The following TCEANC2 variants were observed in gnomAD, a reference collection of about 807,000 sequenced individuals.
The protein encoded by TCEANC2 is transcription elongation factor A N-terminal and central domain-containing protein 2.
TCEANC2 carries 20 observed loss-of-function variants against 22.8 expected under a neutral mutation model. The ratio of observed to expected loss-of-function variants is 0.88; its 90% CI spans 0.62 to 1.28. The LOEUF (loss-of-function observed/expected upper bound fraction) is 1.28, where lower values mean the gene tolerates loss of function less well. TCEANC2 is among the 50% of genes most tolerant of loss of function. TCEANC2 has a pLI of 0.00. For missense variants in TCEANC2, 251 were observed against 249.7 expected (o/e 1.01, Z -0.03); for synonymous variants, 84 against 95.5 (o/e 0.88, Z 0.70).
chr1:54,063,925 C>T (rs1657902845), intron 2 of TCEANC2, among the ~76,000 whole-genome samples: 1 of 152,090 alleles, frequency 6.6e-6, no homozygotes, highest in Non-Finnish European at 1.5e-5. Flanking sequence ...GATGTGAAAC[C>T]TGCCAATCCA....
chr1:54,110,643 C>A (rs147125709), downstream of TCEANC2, among the ~76,000 whole-genome samples: 65 of 152,202 alleles, frequency 4.3e-4, 1 homozygote, highest in East Asian at 0.01. Flanking sequence ...AACAACACAA[C>A]CTTCCAATGT....
At chr1:54,110,197 AC>A (rs1425346970), downstream of TCEANC2, among the ~76,000 whole-genome samples, 2 of 152,102 alleles carry the variant, frequency 1.3e-5, no homozygotes, top group African/African-American at 2.4e-5. Flanking sequence ...TGACCCTCTT[AC>A]CCAGTCTTCT....
intron 4 of TCEANC2, among the ~76,000 whole-genome samples, chr1:54,091,310 A>G (rs1047986920): frequency 2.0e-5 from 3 of 152,200 alleles, no homozygotes; most frequent in South Asian, 2.1e-4. Context: ...GAGCAAATCA[A>G]TGAACCATCT....
At chr1:54,080,394 T>C (rs1488599384) in intron 3 of TCEANC2, among the ~76,000 whole-genome samples, 1 of 152,146 alleles carries the variant, frequency 6.6e-6, no homozygotes, top group Non-Finnish European at 1.5e-5. Flanking sequence ...TCTCCCCACC[T>C]CAGCCTCCTA....
In TCEANC2 at chr1:54,096,356, G is replaced by A. The variant is rs1222240634; in HGVS notation, c.510G>A (p.Pro170=). The A allele has an allele frequency of 5.0e-6, 8 of 1,612,454 alleles. No homozygotes were observed. Among genetic ancestry groups the A allele is most frequent in the Admixed American group, 3.3e-5 (2 of 59,996 alleles). The change falls in exon 5 of 5, where the codon CCG becomes CCA. Residue 170 remains proline (P), a synonymous_variant. Transcript: ENST00000234827. This position sits in a 1 kb window ranked among gnomAD's most constrained non-coding sequence, Gnocchi z 4.9. ...TCTGCTCCCGCCTCATTAATGGGCC[G>A]TACCGGCGGACGGTGAGAGCCCTGG... The part of the protein sequence containing the change: ...FHLCSRLING[P]YRRTVRALVF...
intron 1 of TCEANC2, among the ~76,000 whole-genome samples, 169 bp downstream of exon 1, chr1:54,053,927 C>A (rs1168974041): frequency 6.6e-6 from 1 of 151,982 alleles, no homozygotes; most frequent in Non-Finnish European, 1.5e-5. Flanking sequence ...ATTGTGAGAC[C>A]CTCTGCTGAG....
chr1:54,080,426 G>A (rs1658218477), intron 3 of TCEANC2, among the ~76,000 whole-genome samples: 1 of 152,134 alleles, frequency 6.6e-6, no homozygotes, highest in African/African-American at 2.4e-5. Flanking sequence ...GATTACAGGC[G>A]TGAGCCACTG....
At chr1:54,089,181 A>G (rs1370491038) in intron 4 of TCEANC2, among the ~76,000 whole-genome samples, 2 of 152,226 alleles carry the variant, frequency 1.3e-5, no homozygotes, top group Non-Finnish European at 2.9e-5. Flanking sequence ...AATGAATCAT[A>G]TATGCAAAAG....
chr1:54,071,947 G>C (rs1373212618), intron 3 of TCEANC2, among the ~76,000 whole-genome samples: 1 of 152,038 alleles, frequency 6.6e-6, no homozygotes, highest in South Asian at 2.1e-4. Context: ...AAGTAGGTAG[G>C]ACTGCGGGTA....
chr1:54,108,113 G>A (rs1486787548), downstream of TCEANC2, among the ~76,000 whole-genome samples: 1 of 152,166 alleles, frequency 6.6e-6, no homozygotes, highest in African/African-American at 2.4e-5. Context: ...CAACCCCAAA[G>A]GGTTCGCCTT....
chr1:54,072,564 T>C (rs748787498), intron 3 of TCEANC2, among the ~76,000 whole-genome samples: 31 of 151,940 alleles, frequency 2.0e-4, no homozygotes, highest in Non-Finnish European at 4.3e-4. Flanking sequence ...ACCCAGCTAA[T>C]TTTTGTATTT....
Position 54,100,468 on chromosome 1 carries a change from C to T in TCEANC2, c.*3995C>T, listed in dbSNP as rs571112791. ...ACATAACTAAATAAATAGAGTATAG[C>T]ATATTGGGTGATAACTATAGACATG... On this transcript the variant is annotated 3_prime_UTR_variant, in exon 5 of 5. Coordinates refer to ENST00000234827, the MANE Select transcript of TCEANC2 (RefSeq NM_153035.3). 8 of 152,176 alleles carry T rather than the reference C, an allele frequency of 5.3e-5. No homozygotes were observed. The East Asian group carries it at 1.2e-3, about 22-fold the overall frequency. The allele number at this position is 152,176 out of a possible 1,614,324, so 9.4% of individuals were successfully genotyped here.
chr1:54,110,112 C>T (rs1487330926), downstream of TCEANC2, among the ~76,000 whole-genome samples: 1 of 152,206 alleles, frequency 6.6e-6, no homozygotes, highest in Non-Finnish European at 1.5e-5. Flanking sequence ...AGAGACTGTG[C>T]TGGGTACTCT....
intron 4 of TCEANC2, among the ~76,000 whole-genome samples, chr1:54,093,733 C>CT (rs34379281): frequency 0.017 from 2,421 of 140,842 alleles, 59 homozygotes; most frequent in African/African-American, 0.058. Context: ...TCTCAGAGTA[C>CT]TTTTTTTTTT....
rs117982060 is a variant in TCEANC2 at position 54,070,466 on chromosome 1, C to T, written c.244+1569C>T. On this transcript the variant is annotated intron_variant, in intron 3 of 4. Coordinates refer to ENST00000234827, the MANE Select transcript of TCEANC2 (RefSeq NM_153035.3). ...AAAAAAATAATTTCTATTTGGTGTTCGAGTGTAATTGTGAGTATGCTTTCA... is the reference window on the plus strand; with the variant it reads ...AAAAAAATAATTTCTATTTGGTGTTTGAGTGTAATTGTGAGTATGCTTTCA... 9.2e-4 allele frequency among the ~76,000 whole-genome samples: 140 copies of T among 152,022 alleles called. 1 individual carries two copies. In the East Asian group the frequency reaches 0.024, roughly 27 times the overall value.
chr1:54,058,830 T>C (rs1346901925), intron 2 of TCEANC2, among the ~76,000 whole-genome samples: 1 of 152,116 alleles, frequency 6.6e-6, no homozygotes, highest in East Asian at 1.9e-4. Context: ...CTAATTTTTG[T>C]ATTTTTAGTA....
intron 3 of TCEANC2, among the ~76,000 whole-genome samples, chr1:54,087,855 T>C (rs1658369813): frequency 6.6e-6 from 1 of 152,244 alleles, no homozygotes; most frequent in Non-Finnish European, 1.5e-5. Context: ...TTGTCTTGTT[T>C]CTTCATACTA....
chr1:54,059,708 G>A (rs1261358552), intron 2 of TCEANC2, among the ~76,000 whole-genome samples: 1 of 152,138 alleles, frequency 6.6e-6, no homozygotes, highest in East Asian at 1.9e-4. Context: ...TGAGACCCGG[G>A]ACTGTAATAT....
chr1:54,071,214 T>C (rs984186169), intron 3 of TCEANC2, among the ~76,000 whole-genome samples: 1 of 152,262 alleles, frequency 6.6e-6, no homozygotes, highest in African/African-American at 2.4e-5. Flanking sequence ...TATCTATCAC[T>C]GTGTAAAAAT....
Sources: allele counts gnomAD v4.1 joint callset (sites outside exome capture counted in the v4.1 genomes callset), GRCh38; gene constraint gnomAD v4.1.1; non-coding constraint Gnocchi (gnomAD v3.1); transcripts MANE v1.5; gene names NCBI Gene and HGNC (gene_info 2026-07-23, HGNC 2026-07-21).